The following SEC24B variants were observed in gnomAD, a reference collection of about 807,000 sequenced individuals.
The protein encoded by SEC24B is SEC24 homolog B, COPII component, also known as protein transport protein Sec24B.
SEC24B carries 45 observed loss-of-function variants against 142.8 expected under a neutral mutation model. The observed-to-expected ratio is 0.32, with a 90% CI of 0.25 to 0.40. SEC24B has a LOEUF of 0.40. Ranked by LOEUF, SEC24B falls within the 10% of genes least tolerant of loss-of-function variation. The pLI, the probability that SEC24B is intolerant of heterozygous loss-of-function variation, is 1.00. For synonymous variants in SEC24B, 574 were observed against 568.2 expected, an observed-to-expected ratio of 1.01 and a Z score of -0.15; for missense variants, 1,409 against 1,526.8, an observed-to-expected ratio of 0.92 and a Z score of 1.29.
chr4:109,487,768 G>T (rs1291106827), intron 4 of SEC24B, among the ~76,000 whole-genome samples: 1 of 152,086 alleles, frequency 6.6e-6, no homozygotes. Flanking sequence ...TATTTTGACA[G>T]GTTCACAAAT....
At chr4:109,474,860 G>C (rs1732934458) in intron 3 of SEC24B, among the ~76,000 whole-genome samples, 1 of 152,028 alleles carries the variant, frequency 6.6e-6, no homozygotes, top group South Asian at 2.1e-4. Context: ...AATATATTTT[G>C]AAAGTAGAAG....
chr4:109,509,571 G>A (rs1247311253), intron 7 of SEC24B, among the ~76,000 whole-genome samples: 2 of 151,614 alleles, frequency 1.3e-5, no homozygotes, highest in Admixed American at 6.6e-5. Flanking sequence ...CAGCTACTCA[G>A]GAGGCTGAGG....
intron 1 of SEC24B, among the ~76,000 whole-genome samples, chr4:109,455,661 C>G (rs1320875248): frequency 6.6e-6 from 1 of 152,166 alleles, no homozygotes; most frequent in Non-Finnish European, 1.5e-5. Context: ...ACTATCTTTC[C>G]TCAATTGCAT....
chr4:109,439,535 T>G (rs1728735591), intron 1 of SEC24B, among the ~76,000 whole-genome samples: 1 of 132,576 alleles, frequency 7.5e-6, no homozygotes, highest in Non-Finnish European at 1.5e-5. Context: ...TGAGTTTCAG[T>G]CTTGTTGACC....
At chr4:109,511,831 T>G in intron 8 of SEC24B, 126 bp from the exon 9 acceptor site, 7 of 892,406 alleles carry the variant, frequency 7.8e-6, no homozygotes, top group Non-Finnish European at 1.2e-5. Flanking sequence ...TTTATTAATA[T>G]GCTTCCATAT....
chr4:109,481,756 AGAGGAG>A lies in SEC24B; in HGVS notation c.1149_1154del (p.Glu383_Glu384del), dbSNP rs750264014. ...TGTCATCAACTTCCGATGATGAGGAAGAGGAGGAGGAGGATGAGGAAGCAGGTCTGC... is the reference window on the plus strand; with the variant it reads ...TGTCATCAACTTCCGATGATGAGGAAGAGGAGGATGAGGAAGCAGGTCTGC... On this transcript the variant is annotated inframe_deletion, in exon 4 of 24. Coordinates refer to ENST00000265175, the MANE Select transcript of SEC24B (RefSeq NM_006323.5). 1.2e-6 allele frequency: 2 copies of A among 1,613,642 alleles called. No individual in the cohort carries two copies. The highest frequency in any genetic ancestry group is 8.5e-7 in the Non-Finnish European group (1 of 1,179,626).
chr4:109,481,602 T>C, intron 3 of SEC24B, 75 bp from the exon 4 acceptor site: 2 of 991,792 alleles, frequency 2.0e-6, no homozygotes, highest in Admixed American at 4.3e-5. Context: ...TTCTCACTTT[T>C]AATGCAATGT....
At chr4:109,455,598 T>C (rs1446158901) in intron 1 of SEC24B, among the ~76,000 whole-genome samples, 2 of 152,228 alleles carry the variant, frequency 1.3e-5, no homozygotes, top group Admixed American at 6.5e-5. Flanking sequence ...TGAGGTTCTT[T>C]TCTTTTTTTC....
At chr4:109,531,609 C>A in intron 20 of SEC24B, 87 bp downstream of exon 20, 1 of 1,004,660 alleles carries the variant, frequency 1.0e-6, no homozygotes, top group Non-Finnish European at 1.5e-6. Flanking sequence ...ATACTATCAA[C>A]TGGTTTTTCT....
chr4:109,503,848 C>G (rs958634037), intron 6 of SEC24B, among the ~76,000 whole-genome samples: 1 of 151,912 alleles, frequency 6.6e-6, no homozygotes, highest in African/African-American at 2.4e-5. Flanking sequence ...CTCTCCCCTT[C>G]ACCTGCAGAA....
At chr4:109,460,481 A>G (rs936010048) in intron 1 of SEC24B, among the ~76,000 whole-genome samples, 5 of 152,140 alleles carry the variant, frequency 3.3e-5, no homozygotes, top group African/African-American at 1.2e-4. Context: ...CCAAAACCCA[A>G]AGAAAAGTAA....
At chr4:109,534,361 C>T (rs1053686718) in intron 22 of SEC24B, among the ~76,000 whole-genome samples, 3 of 151,770 alleles carry the variant, frequency 2.0e-5, no homozygotes, top group African/African-American at 7.3e-5. Context: ...CAGAGGCAGG[C>T]AGATCACAAA....
chr4:109,444,901 T>G (rs1017372271), intron 1 of SEC24B, among the ~76,000 whole-genome samples: 1 of 152,180 alleles, frequency 6.6e-6, no homozygotes, highest in Non-Finnish European at 1.5e-5. Flanking sequence ...ATAAAATTCT[T>G]TCAGAGATTA....
At chr4:109,458,923 A>G (rs1730979772) in intron 1 of SEC24B, among the ~76,000 whole-genome samples, 1 of 152,048 alleles carries the variant, frequency 6.6e-6, no homozygotes, top group South Asian at 2.1e-4. Flanking sequence ...ATATGTAACA[A>G]ATTTTTTTCC....
rs146730916 is a variant in SEC24B at position 109,535,424 on chromosome 4, C to T, written c.3588+1739C>T. 5.4e-3 allele frequency among the ~76,000 whole-genome samples: 815 copies of T among 151,574 alleles called. 36 individuals carry two copies. In the South Asian group the frequency reaches 0.08, roughly 15 times the overall value. ...AAAAAAAATTAGCCAGGCATGGTGA[C>T]GGGTGCCAGTAGTCCCAGCTACTCG... On this transcript the variant is annotated intron_variant, in intron 22 of 23. Transcript: ENST00000265175.
At chr4:109,466,496 C>T (rs1353597070) in intron 2 of SEC24B, among the ~76,000 whole-genome samples, 1 of 152,188 alleles carries the variant, frequency 6.6e-6, no homozygotes, top group Non-Finnish European at 1.5e-5. Context: ...CTGCAAGCTC[C>T]GCCTTCCAGG....
chr4:109,533,572 T>G, intron 21 of SEC24B, 21 bp from the exon 22 acceptor site: 1 of 1,475,414 alleles, frequency 6.8e-7, no homozygotes, highest in Non-Finnish European at 9.5e-7. Context: ...GTTTTAATAT[T>G]TTGTTGCTTT....
intron 12 of SEC24B, 99 bp from the exon 13 acceptor site, chr4:109,521,018 A>C (rs1352901992): frequency 2.7e-6 from 2 of 742,874 alleles, no homozygotes; most frequent in Non-Finnish European, 4.6e-6. Flanking sequence ...ATAAAGCAAA[A>C]TTATAGTACA....
At chr4:109,474,551 G>A (rs1732895243) in intron 3 of SEC24B, among the ~76,000 whole-genome samples, 1 of 151,476 alleles carries the variant, frequency 6.6e-6, no homozygotes, top group Non-Finnish European at 1.5e-5. Flanking sequence ...CAGCCTCCTG[G>A]GTAGCTGGGA....
Sources: allele counts gnomAD v4.1 joint callset (sites outside exome capture counted in the v4.1 genomes callset), GRCh38; gene constraint gnomAD v4.1.1; transcripts MANE v1.5; gene names NCBI Gene and HGNC (gene_info 2026-07-23, HGNC 2026-07-21).